CDH13: variants seen among roughly 807,000 people sequenced by gnomAD.
The protein encoded by CDH13 is cadherin-13.
Under a neutral mutation model 63.8 loss-of-function variants are expected in CDH13, and 24 were observed. The observed-to-expected ratio is 0.38, with a 90% CI of 0.27 to 0.53. The LOEUF (loss-of-function observed/expected upper bound fraction) is 0.53. Ranked by LOEUF, CDH13 falls within the 20% of genes least tolerant of loss-of-function variation. CDH13 has a pLI of 0.85. For missense variants in CDH13, 1,049 were observed against 903.1 expected, an observed-to-expected ratio of 1.16 and a Z score of -2.07; for synonymous variants, 503 against 355.3, an observed-to-expected ratio of 1.42 and a Z score of -4.67.
At chr16:82,797,122 G>C (rs2036620802) in intron 1 of CDH13, among the ~76,000 whole-genome samples, 1 of 152,170 alleles carries the variant, frequency 6.6e-6, no homozygotes, top group South Asian at 2.1e-4. Context: ...GATGAAATGA[G>C]GTTCTAGTTT....
chr16:83,008,792 C>A (rs1044171140), intron 2 of CDH13, among the ~76,000 whole-genome samples: 2 of 152,146 alleles, frequency 1.3e-5, no homozygotes, highest in Non-Finnish European at 2.9e-5. Flanking sequence ...CTATATTAGT[C>A]CATTCTGACA....
At chr16:83,651,162 C>G (rs539121025) in intron 8 of CDH13, among the ~76,000 whole-genome samples, 62 of 152,140 alleles carry the variant, frequency 4.1e-4, no homozygotes, top group African/African-American at 1.3e-3. Flanking sequence ...ACCCCTAGCT[C>G]TAAGTAGTTT....
At chr16:83,787,768 C>T (rs1212452844) in intron 13 of CDH13, among the ~76,000 whole-genome samples, 1 of 152,206 alleles carries the variant, frequency 6.6e-6, no homozygotes, top group Non-Finnish European at 1.5e-5. Context: ...CATGGCCAAA[C>T]CCCGTCTCCA....
intron 2 of CDH13, among the ~76,000 whole-genome samples, chr16:83,024,121 T>C (rs918724683): frequency 6.6e-6 from 1 of 152,180 alleles, no homozygotes; most frequent in East Asian, 1.9e-4. Flanking sequence ...TGAATTTGTC[T>C]AACTGAGGGT....
intron 2 of CDH13, among the ~76,000 whole-genome samples, chr16:82,889,142 T>C (rs551313990): frequency 1.3e-5 from 2 of 152,350 alleles, no homozygotes; most frequent in African/African-American, 4.8e-5. Context: ...AAAATCATTC[T>C]CACAGAAAGT....
intron 5 of CDH13, among the ~76,000 whole-genome samples, chr16:83,226,398 C>G (rs551970158): frequency 2.7e-4 from 41 of 152,180 alleles, no homozygotes; most frequent in Non-Finnish European, 5.7e-4. Context: ...TTCATTAGCA[C>G]AAACTCCTCA....
intron 6 of CDH13, among the ~76,000 whole-genome samples, chr16:83,475,053 C>T (rs1048723431): frequency 6.6e-6 from 1 of 152,254 alleles, no homozygotes; most frequent in African/African-American, 2.4e-5. Flanking sequence ...GCTCCTGGCT[C>T]TTGACCACGA....
At chr16:83,059,992 C>T (rs572693327) in intron 3 of CDH13, among the ~76,000 whole-genome samples, 5 of 151,982 alleles carry the variant, frequency 3.3e-5, no homozygotes, top group South Asian at 2.1e-4. Context: ...GACGGGGTTT[C>T]ACCGTGTTAG....
intron 11 of CDH13, among the ~76,000 whole-genome samples, chr16:83,759,912 A>C (rs1863633638): frequency 6.7e-6 from 1 of 148,438 alleles, no homozygotes; most frequent in South Asian, 2.2e-4. Context: ...TGGAGGACAG[A>C]GTGAGATCCT....
intron 2 of CDH13, among the ~76,000 whole-genome samples, chr16:82,866,377 C>CTT (rs538206338): frequency 0.031 from 1,781 of 58,216 alleles, 259 homozygotes; most frequent in Non-Finnish European, 0.043. Flanking sequence ...TTTTCTTCTT[C>CTT]TTTTTTTTTT....
intron 6 of CDH13, among the ~76,000 whole-genome samples, chr16:83,478,599 C>T (rs932379905): frequency 3.9e-5 from 6 of 152,112 alleles, no homozygotes; most frequent in African/African-American, 4.8e-5. Flanking sequence ...AGGGAAGGGC[C>T]GCCAAAGGAG....
chr16:83,327,843 C>T (rs531039608), intron 5 of CDH13, among the ~76,000 whole-genome samples: 1 of 152,304 alleles, frequency 6.6e-6, no homozygotes, highest in African/African-American at 2.4e-5. Flanking sequence ...TAAAAATTAA[C>T]ACCTGGTGGC....
chr16:82,774,707 C>G (rs2035416613), intron 1 of CDH13, among the ~76,000 whole-genome samples: 1 of 152,186 alleles, frequency 6.6e-6, no homozygotes, highest in Non-Finnish European at 1.5e-5. Flanking sequence ...TGTGTGCTCA[C>G]TGTATCCACC....
intron 2 of CDH13, among the ~76,000 whole-genome samples, chr16:82,948,205 T>C (rs904823692): frequency 6.6e-6 from 1 of 152,168 alleles, no homozygotes; most frequent in East Asian, 1.9e-4. Flanking sequence ...GCCAACATTA[T>C]GTATTTACTC....
At chr16:83,245,233 C>T (rs957858920) in intron 5 of CDH13, among the ~76,000 whole-genome samples, 3 of 152,162 alleles carry the variant, frequency 2.0e-5, no homozygotes, top group African/African-American at 7.2e-5. Context: ...CTCTCTGCCA[C>T]CCCCCACTGT....
At chr16:83,663,037 A>G (rs1410643524) in intron 8 of CDH13, among the ~76,000 whole-genome samples, 4 of 152,208 alleles carry the variant, frequency 2.6e-5, no homozygotes, top group Admixed American at 6.5e-5. Flanking sequence ...GATTTCTCTG[A>G]TAATTTATCC....
chr16:83,344,605 T>C (rs534351590), intron 5 of CDH13, among the ~76,000 whole-genome samples: 12 of 152,332 alleles, frequency 7.9e-5, no homozygotes, highest in African/African-American at 2.9e-4. Context: ...TTTTGTTTTG[T>C]TTTAACTTTC....
At chr16:83,220,015 G>A (rs12716966) in intron 5 of CDH13, among the ~76,000 whole-genome samples, 1 of 152,074 alleles carries the variant, frequency 6.6e-6, no homozygotes, top group African/African-American at 2.4e-5. Context: ...GGTATTTAGT[G>A]GGAATGCAGT....
At chr16:82,763,128 G>T (rs1052267102) in intron 1 of CDH13, among the ~76,000 whole-genome samples, 1 of 152,148 alleles carries the variant, frequency 6.6e-6, no homozygotes, top group Non-Finnish European at 1.5e-5. Context: ...CAGGGCCTTT[G>T]TATGTGCTGC....
Sources: gnomAD v4.1 joint callset for allele counts (sites outside exome capture counted in the v4.1 genomes callset) on GRCh38, gnomAD v4.1.1 for gene constraint, MANE v1.5 for transcripts, NCBI Gene and HGNC (gene_info 2026-07-23, HGNC 2026-07-21) for gene names.